The following RAB4A variants were observed in gnomAD, a reference collection of about 807,000 sequenced individuals.
RAB4A encodes the protein RAB4A, member RAS oncogene family.
RAB4A carries 20 observed loss-of-function variants against 34.5 expected under a neutral mutation model. The ratio of observed to expected loss-of-function variants is 0.58; its 90% CI spans 0.41 to 0.84. RAB4A has a LOEUF of 0.84. Ranked by LOEUF, RAB4A falls within the 40% of genes least tolerant of loss-of-function variation. RAB4A has a pLI of 0.00. For synonymous variants in RAB4A, 102 were observed against 100.0 expected (o/e 1.02, Z -0.12); for missense variants, 228 against 274.5 (o/e 0.83, Z 1.20).
intron 6 of RAB4A, among the ~76,000 whole-genome samples, chr1:229,302,299 AT>A (rs1657425714): frequency 1.6e-4 from 6 of 37,628 alleles, no homozygotes; most frequent in Admixed American, 3.7e-4. Context: ...ATATATATAT[AT>A]ATATATATAT....
At chr1:229,290,779 A>G (rs1218692443) in intron 3 of RAB4A, among the ~76,000 whole-genome samples, 1 of 152,214 alleles carries the variant, frequency 6.6e-6, no homozygotes, top group Non-Finnish European at 1.5e-5. Flanking sequence ...ATAATATGTT[A>G]AATAAACTCA....
At chr1:229,295,814 T>C (rs544482069) in intron 3 of RAB4A, 34 bp from the exon 4 acceptor site, 8 of 1,611,966 alleles carry the variant, frequency 5.0e-6, no homozygotes, top group East Asian at 4.5e-5. Flanking sequence ...AGGGTCTCAA[T>C]TGGTTGAAAG....
rs1172306376 is a variant in RAB4A, at chr1:229,302,927, A to G, written c.607A>G (p.Arg203Gly). The G allele has an allele frequency of 2.5e-6, 4 of 1,613,898 alleles. No individual in the cohort carries two copies. The Admixed American group carries it at 6.7e-5, about 27-fold the overall frequency. The change falls in exon 7 of 8, where the codon AGG becomes GGG. Residue 203 changes from arginine to glycine, a missense_variant. Physicochemically the swap from Arg to Gly is moderately radical, Grantham distance 125. Transcript: ENST00000366690. ...QYGDAALRQL[R>G]SPRRAQAPNA... The stretch of plus-strand genomic sequence containing the variant: ...CGGAGATGCTGCCTTGAGACAGCTG[A>G]GGTCACCGCGGCGCGCACAGGCCCC...
chr1:229,273,599 G>A (rs906942224), intron 1 of RAB4A, among the ~76,000 whole-genome samples: 1 of 152,114 alleles, frequency 6.6e-6, no homozygotes, highest in African/African-American at 2.4e-5. Flanking sequence ...AAATTACCTG[G>A]GCATGGTGGT....
chr1:229,279,183 G>A (rs1656719001), intron 1 of RAB4A, among the ~76,000 whole-genome samples: 1 of 152,184 alleles, frequency 6.6e-6, no homozygotes, highest in East Asian at 1.9e-4. Context: ...CCAGGAAGTA[G>A]GACACATGAA....
At chr1:229,273,896 C>T (rs1656569537) in intron 1 of RAB4A, among the ~76,000 whole-genome samples, 2 of 152,170 alleles carry the variant, frequency 1.3e-5, no homozygotes, top group South Asian at 2.1e-4. Flanking sequence ...CAGTCAGGCT[C>T]TCTTCTGGAC....
chr1:229,301,418 A>AT (rs1391732721), intron 6 of RAB4A, among the ~76,000 whole-genome samples: 21 of 151,222 alleles, frequency 1.4e-4, no homozygotes, highest in Middle Eastern at 3.4e-3. Context: ...ATCTTTTTGT[A>AT]TTTTTTTTTA....
At chr1:229,303,043 C>A in intron 7 of RAB4A, 54 bp downstream of exon 7, 2 of 1,266,918 alleles carry the variant, frequency 1.6e-6, no homozygotes, top group Non-Finnish European at 2.3e-6. Flanking sequence ...AGTGCAGAGG[C>A]CTGTTAAAGC....
chr1:229,302,286 TATATATA>T (rs1657415743), intron 6 of RAB4A, among the ~76,000 whole-genome samples: 41 of 22,544 alleles, frequency 1.8e-3, no homozygotes, highest in African/African-American at 4.3e-3. Context: ...TATATATATA[TATATATA>T]TATATATATA....
chr1:229,298,643 TTCCCTGAAATCAA>T (rs1171629434), intron 5 of RAB4A, among the ~76,000 whole-genome samples: 1 of 152,244 alleles, frequency 6.6e-6, no homozygotes, highest in Non-Finnish European at 1.5e-5. Flanking sequence ...CATTGCAACT[TTCCCTGAAATCAA>T]TGGCAGGGCC....
chr1:229,303,208 A>G (rs984440480), intron 7 of RAB4A, among the ~76,000 whole-genome samples: 12 of 152,072 alleles, frequency 7.9e-5, no homozygotes, highest in African/African-American at 2.9e-4. Flanking sequence ...TACAAAATAC[A>G]AAAAATTAGC....
At chr1:229,281,844 A>G (rs574688188) in intron 1 of RAB4A, among the ~76,000 whole-genome samples, 1 of 122,890 alleles carries the variant, frequency 8.1e-6, no homozygotes, top group Non-Finnish European at 1.7e-5. Context: ...ATATATATAT[A>G]TATCATAGTT....
chr1:229,285,901 G>T (rs1656909604), intron 1 of RAB4A, among the ~76,000 whole-genome samples: 1 of 152,160 alleles, frequency 6.6e-6, no homozygotes, highest in Non-Finnish European at 1.5e-5. Flanking sequence ...GTGTAAAGAA[G>T]AAGTTATTCA....
At chr1:229,279,260 A>G (rs1656720526) in intron 1 of RAB4A, among the ~76,000 whole-genome samples, 1 of 152,208 alleles carries the variant, frequency 6.6e-6, no homozygotes, top group Admixed American at 6.5e-5. Context: ...CTTGAAAGCA[A>G]GACGATTGCT....
rs937090952 is a variant in RAB4A at position 229,271,273 on chromosome 1, G to C, written c.-67G>C. 2.3e-6 allele frequency: 3 copies of C among 1,312,316 alleles called. No homozygotes were observed. The highest frequency in any genetic ancestry group is 2.9e-6 in the Non-Finnish European group (3 of 1,028,766). The allele number at this position is 1,312,316 out of a possible 1,614,324, so 81.3% of individuals were successfully genotyped here. ...CCCCCGCCCCAGGTCCTTCCCCACCGAGACGCGCCGGCGGACCGCGGGCGA... is the reference window on the plus strand; with the variant it reads ...CCCCCGCCCCAGGTCCTTCCCCACCCAGACGCGCCGGCGGACCGCGGGCGA... On this transcript the variant is annotated 5_prime_UTR_variant, in exon 1 of 8. Coordinates refer to ENST00000366690, the MANE Select transcript of RAB4A (RefSeq NM_004578.4).
Position 229,302,291 on chromosome 1 carries a change from ATATATATATATATATATATT to A in RAB4A, c.542-569_542-550del, listed in dbSNP as rs1296536177. ...TATATATATATATATATATATATATATATATATATATATATATATTTTTTTTTTTTTTTTACATGTGCATG... is the reference window on the plus strand; with the variant it reads ...TATATATATATATATATATATATATATTTTTTTTTTTTTTACATGTGCATG... On this transcript the variant is annotated intron_variant, in intron 6 of 7. Coordinates refer to ENST00000366690, the MANE Select transcript of RAB4A (RefSeq NM_004578.4). Among the ~76,000 whole-genome samples the A allele has an allele frequency of 4.9e-3, 113 of 23,058 alleles. 2 individuals are homozygous for A. The highest frequency in any genetic ancestry group is 0.035 in the Admixed American group (81 of 2,324). 15.1% of individuals were successfully genotyped at this position (23,058 alleles called of 152,430 possible).
At chr1:229,293,221 C>T (rs865799564) in intron 3 of RAB4A, among the ~76,000 whole-genome samples, 1 of 152,224 alleles carries the variant, frequency 6.6e-6, no homozygotes, top group African/African-American at 2.4e-5. Flanking sequence ...CCCAGGAGCT[C>T]TCTGACCCCC....
rs1354928483 is a variant in RAB4A at position 229,304,140 on chromosome 1, G to T, written c.*347G>T. ...GATATGATAGAATGTGGCACTAAATGCAGTTTCAGATTTTATTTTTTTTAA... is the reference window on the plus strand; with the variant it reads ...GATATGATAGAATGTGGCACTAAATTCAGTTTCAGATTTTATTTTTTTTAA... On this transcript the variant is annotated 3_prime_UTR_variant, in exon 8 of 8. Transcript: ENST00000366690. The T allele has an allele frequency of 1.3e-5, 2 of 152,076 alleles. No homozygotes were observed. Among genetic ancestry groups the T allele is most frequent in the African/African-American group, 4.8e-5 (2 of 41,402 alleles). The allele number at this position is 152,076 out of a possible 1,614,324, so 9.4% of individuals were successfully genotyped here. A position where few individuals can be genotyped will look rare whatever the true frequency, so the allele number is the denominator to read the frequency against.
At chr1:229,287,158 A>G (rs1656944397) in intron 2 of RAB4A, among the ~76,000 whole-genome samples, 1 of 152,222 alleles carries the variant, frequency 6.6e-6, no homozygotes, top group Admixed American at 6.5e-5. Context: ...ATCGTGGAGA[A>G]AGACCTGTCT....
Sources: gnomAD v4.1 joint callset for allele counts (sites outside exome capture counted in the v4.1 genomes callset) on GRCh38, gnomAD v4.1.1 for gene constraint, MANE v1.5 for transcripts, NCBI Gene and HGNC (gene_info 2026-07-23, HGNC 2026-07-21) for gene names.